The following GREM2 variants were observed in gnomAD, a reference collection of about 807,000 sequenced individuals.
GREM2 encodes the protein gremlin 2, DAN family BMP antagonist.
A neutral mutation model predicts 14.2 loss-of-function variants in GREM2; 11 were observed. The observed-to-expected ratio is 0.78, with a 90% CI of 0.49 to 1.28. The LOEUF is 1.28. Ranked by LOEUF, GREM2 falls within the 50% of genes most tolerant of loss-of-function variation. GREM2 has a pLI of 0.00. For missense variants in GREM2, 210 were observed against 218.5 expected (o/e 0.96, Z 0.24); for synonymous variants, 98 against 97.6 (o/e 1.00, Z -0.02).
chr1:240,581,999 G>C (rs989512328), intron 1 of GREM2, among the ~76,000 whole-genome samples: 1 of 152,188 alleles, frequency 6.6e-6, no homozygotes, highest in East Asian at 1.9e-4. Context: ...ATTAATGCAC[G>C]ATTGCTGGGC....
chr1:240,509,736 C>T (rs914717588), intron 1 of GREM2, among the ~76,000 whole-genome samples: 2 of 152,174 alleles, frequency 1.3e-5, no homozygotes, highest in South Asian at 4.1e-4. Flanking sequence ...GAATCTCTTT[C>T]AGGCAACACA....
intron 1 of GREM2, among the ~76,000 whole-genome samples, chr1:240,597,148 T>TA (rs1173653397): frequency 6.6e-6 from 1 of 152,242 alleles, no homozygotes; most frequent in Non-Finnish European, 1.5e-5. Context: ...GAATCCATTT[T>TA]AATGACCGTG....
At chr1:240,517,503 C>T (rs1289206372) in intron 1 of GREM2, among the ~76,000 whole-genome samples, 1 of 152,102 alleles carries the variant, frequency 6.6e-6, no homozygotes, top group Non-Finnish European at 1.5e-5. Flanking sequence ...ACTTCTCAGC[C>T]CTCTGAATGG....
chr1:240,596,288 A>G (rs1679817040), intron 1 of GREM2, among the ~76,000 whole-genome samples: 1 of 152,168 alleles, frequency 6.6e-6, no homozygotes, highest in Admixed American at 6.5e-5. Context: ...TATCCATTAT[A>G]TTTTCCCACA....
At chr1:240,590,901 T>G (rs2102863793) in intron 1 of GREM2, among the ~76,000 whole-genome samples, 1 of 152,124 alleles carries the variant, frequency 6.6e-6, no homozygotes, top group South Asian at 2.1e-4. Context: ...TTCTCCTGTC[T>G]CAGCCTCCTG....
In GREM2 at chr1:240,595,152, G is replaced by A. The variant is rs769336900; in HGVS notation, c.-2+16732C>T. On this transcript the variant is annotated intron_variant, in intron 1 of 1. Coordinates refer to ENST00000318160, the MANE Select transcript of GREM2 (RefSeq NM_022469.4). ...TGTAATCCCAGCACTTCGGGAGGCCGAGGAGGGTGGATCTCCTACAAATAC... is the reference window on the plus strand; with the variant it reads ...TGTAATCCCAGCACTTCGGGAGGCCAAGGAGGGTGGATCTCCTACAAATAC... Among the ~76,000 whole-genome samples the A allele has an allele frequency of 1.4e-3, 213 of 152,252 alleles. 1 individual carries two copies. Among genetic ancestry groups the A allele is most frequent in the Non-Finnish European group, 5.4e-4 (37 of 68,026 alleles).
intron 1 of GREM2, among the ~76,000 whole-genome samples, chr1:240,520,226 C>T (rs1397714745): frequency 6.6e-6 from 1 of 152,178 alleles, no homozygotes; most frequent in Admixed American, 6.5e-5. Flanking sequence ...AGCACATGGT[C>T]AATTACCCTA....
chr1:240,566,614 C>A (rs1679180298), intron 1 of GREM2, among the ~76,000 whole-genome samples: 1 of 151,998 alleles, frequency 6.6e-6, no homozygotes, highest in Non-Finnish European at 1.5e-5. Flanking sequence ...TGAATCTGAT[C>A]AAAGAATGTA....
At chr1:240,596,571 ACTGTAATCCCAG>A (rs1679822056) in intron 1 of GREM2, among the ~76,000 whole-genome samples, 1 of 151,684 alleles carries the variant, frequency 6.6e-6, no homozygotes, top group Non-Finnish European at 1.5e-5. Flanking sequence ...GTGACACACA[ACTGTAATCCCAG>A]CTACTCAGGA....
chr1:240,571,697 G>T (rs112915723), intron 1 of GREM2, among the ~76,000 whole-genome samples: 2 of 151,644 alleles, frequency 1.3e-5, no homozygotes, highest in Non-Finnish European at 2.9e-5. Flanking sequence ...AAACTCCATC[G>T]CAAAAAAAGA....
intron 1 of GREM2, among the ~76,000 whole-genome samples, chr1:240,533,512 G>A (rs1240961046): frequency 1.3e-5 from 2 of 152,190 alleles, no homozygotes; most frequent in Admixed American, 1.3e-4. Context: ...AGAATTTTAA[G>A]CATAATATAT....
At chr1:240,574,562 G>A (rs1679323045) in intron 1 of GREM2, among the ~76,000 whole-genome samples, 2 of 152,108 alleles carry the variant, frequency 1.3e-5, no homozygotes, top group East Asian at 1.9e-4. Flanking sequence ...GGAATATCAG[G>A]CATTTGCAGA....
chr1:240,584,546 T>TA (rs1453922775), intron 1 of GREM2, among the ~76,000 whole-genome samples: 3 of 126,212 alleles, frequency 2.4e-5, no homozygotes, highest in Middle Eastern at 3.8e-3. Context: ...AATTAAAAAA[T>TA]AAAAAAAATT....
intron 1 of GREM2, among the ~76,000 whole-genome samples, chr1:240,500,188 C>T (rs1473457637): frequency 6.6e-6 from 1 of 152,220 alleles, no homozygotes; most frequent in Admixed American, 6.5e-5. Context: ...GCTCTCCTAT[C>T]TCCTCATCCC....
At chr1:240,497,705 G>A (rs147040679) in intron 1 of GREM2, among the ~76,000 whole-genome samples, 295 of 147,958 alleles carry the variant, frequency 2.0e-3, no homozygotes, top group African/African-American at 7.0e-3. Flanking sequence ...AAATTTTAAC[G>A]CCTCATTTTT....
chr1:240,553,704 G>A (rs1451165373), intron 1 of GREM2, among the ~76,000 whole-genome samples: 3 of 152,194 alleles, frequency 2.0e-5, no homozygotes, highest in Non-Finnish European at 4.4e-5. Context: ...GAAATCCTGT[G>A]CATGCATGTA....
At chr1:240,583,204 A>G (rs1332114563) in intron 1 of GREM2, among the ~76,000 whole-genome samples, 1 of 152,152 alleles carries the variant, frequency 6.6e-6, no homozygotes, top group Non-Finnish European at 1.5e-5. Flanking sequence ...AATAATCCTT[A>G]CTTGCAGAAA....
chr1:240,522,739 G>C (rs924416173), intron 1 of GREM2, among the ~76,000 whole-genome samples: 3 of 152,158 alleles, frequency 2.0e-5, no homozygotes, highest in Non-Finnish European at 2.9e-5. Flanking sequence ...TCGTGCTCCT[G>C]TGTCACTCTA....
At chr1:240,566,071 G>C (rs926054370) in intron 1 of GREM2, among the ~76,000 whole-genome samples, 25 of 151,678 alleles carry the variant, frequency 1.6e-4, no homozygotes, top group African/African-American at 5.3e-4. Context: ...TGAAACCAGG[G>C]GTCTTTATTT....
Sources: gnomAD v4.1 joint callset for allele counts (sites outside exome capture counted in the v4.1 genomes callset) on GRCh38, gnomAD v4.1.1 for gene constraint, MANE v1.5 for transcripts, NCBI Gene and HGNC (gene_info 2026-07-23, HGNC 2026-07-21) for gene names.